QTRT2: variants seen among roughly 807,000 people sequenced by gnomAD.
QTRT2 encodes queuine tRNA-ribosyltransferase domain containing 1.
A neutral mutation model predicts 44.8 loss-of-function variants in QTRT2; 32 were observed. The observed-to-expected ratio is 0.71, with a 90% CI of 0.54 to 0.96. QTRT2 has a LOEUF of 0.96. Among genes scored for constraint, QTRT2 ranks in the 40% least tolerant of loss-of-function variants. The pLI, the probability that QTRT2 is intolerant of heterozygous loss-of-function variation, is 0.00. For missense variants in QTRT2, 461 were observed against 503.1 expected (o/e 0.92, Z 0.80); for synonymous variants, 182 against 187.4 (o/e 0.97, Z 0.24).
In QTRT2 at chr3:114,068,053, TAACA is replaced by T; in HGVS notation, c.329_332del (p.Asn110SerfsTer14). On this transcript the variant is annotated frameshift_variant, in exon 5 of 10. Coordinates refer to ENST00000281273, the MANE Select transcript of QTRT2 (RefSeq NM_024638.4). LOFTEE classifies it high-confidence loss of function. The stretch of plus-strand genomic sequence containing the variant: ...GTCAGCCCCTGCCCGGCTGGTTATG[TAACA>T]AACAAGGTGTGTTTTCAGAAGGGTC... The T allele has an allele frequency of 6.2e-7, 1 of 1,613,806 alleles. No individual in the cohort carries two copies.
At chr3:114,078,574 A>C (rs1163281913) in intron 7 of QTRT2, 1 of 152,246 alleles carries the variant, frequency 6.6e-6, no homozygotes. Context: ...TGGAGTGGCA[A>C]AACCTGGCCG....
chr3:114,059,859 C>T (rs1156540590), intron 2 of QTRT2, among the ~76,000 whole-genome samples: 1 of 152,204 alleles, frequency 6.6e-6, no homozygotes, highest in African/African-American at 2.4e-5. Flanking sequence ...GAGTATGTAG[C>T]ACCAAAATCG....
chr3:114,067,930 A>G (rs2076975126), intron 4 of QTRT2, 57 bp from the exon 5 acceptor site: 1 of 1,483,892 alleles, frequency 6.7e-7, no homozygotes, highest in Non-Finnish European at 9.4e-7. Context: ...CCCTGCTATA[A>G]TACAGTGTCA....
At chr3:114,060,367 G>A (rs569585664) in intron 2 of QTRT2, among the ~76,000 whole-genome samples, 1 of 152,236 alleles carries the variant, frequency 6.6e-6, no homozygotes, top group South Asian at 2.1e-4. Flanking sequence ...CAACCTTGGA[G>A]AATCTGAGAT....
At chr3:114,065,799 C>CACATATA (rs202045731) in intron 3 of QTRT2, among the ~76,000 whole-genome samples, 2,954 of 152,226 alleles carry the variant, frequency 0.019, 86 homozygotes, top group East Asian at 0.079. Context: ...GTTTTTTCTG[C>CACATATA]CTTTGCACAT....
At chr3:114,072,088 C>G (rs899447598) in intron 6 of QTRT2, among the ~76,000 whole-genome samples, 7 of 152,176 alleles carry the variant, frequency 4.6e-5, no homozygotes, top group African/African-American at 7.2e-5. Context: ...TTTCTTATCT[C>G]TAGCTATATT....
intron 2 of QTRT2, among the ~76,000 whole-genome samples, chr3:114,060,405 GTGGGGAATATGTTCCAAGACCC>G: frequency 1.3e-5 from 2 of 152,136 alleles, no homozygotes; most frequent in Non-Finnish European, 2.9e-5. Context: ...TCGCTTATCT[GTGGGGAATATGTTCCAAGACCC>G]CTTGTGGATG....
At position 114,079,957 on chromosome 3, in the gene QTRT2, A is replaced by G; in HGVS notation, c.798A>G (p.Arg266=). The change falls in exon 8 of 10, where the codon AGA becomes AGG. Residue 266 remains arginine, a synonymous_variant. Coordinates refer to ENST00000281273, the MANE Select transcript of QTRT2 (RefSeq NM_024638.4). ...RPDEVLECIE[R]GVDLFESFFP... The stretch of plus-strand genomic sequence containing the variant: ...ATGAGGTGCTCGAGTGTATTGAAAG[A>G]GGAGTGGACTTATTTGAGAGTTTTT... 1.2e-6 allele frequency: 2 copies of G among 1,613,942 alleles called. No homozygotes were observed. Among genetic ancestry groups the G allele is most frequent in the Admixed American group, 1.7e-5 (1 of 60,000 alleles).
chr3:114,081,730 G>A (rs1400630787), intron 8 of QTRT2, among the ~76,000 whole-genome samples: 1 of 152,086 alleles, frequency 6.6e-6, no homozygotes, highest in Non-Finnish European at 1.5e-5. Flanking sequence ...GAGCCACTGC[G>A]GCCAGCTGAG....
rs770967431 is a variant in QTRT2, at chr3:114,070,653, C to T, written c.361C>T (p.Arg121Ter). Residue 121 changes from arginine (R) to a stop codon, truncating the protein, a stop_gained, in exon 6 of 10, where the codon CGA becomes TGA. Coordinates refer to ENST00000281273, the MANE Select transcript of QTRT2 (RefSeq NM_024638.4). LOFTEE classifies it high-confidence loss of function. ...TGTGTCTGTGTGGAGTGTTGCAGGA[C>T]GAGTGGAAATGACTGTTTCCAAGTT... ...KSVSVWSVAG[R>*]VEMTVSKFMA... The T allele has an allele frequency of 1.8e-5, 29 of 1,613,902 alleles. No homozygotes were observed. The East Asian group carries it at 2.4e-4, about 14-fold the overall frequency.
rs1559946061 is a variant in QTRT2 at position 114,060,500 on chromosome 3, A to AGGTAGG, written c.-22+3394_-22+3395insGGTAGG. Reference sequence around the variant, plus strand: ...GGTAGGTAGGTAGGTAGGTAGGTAGATAGATAGATAGATAGATAGATAGAT... The same window carrying AGGTAGG: ...GGTAGGTAGGTAGGTAGGTAGGTAGAGGTAGGTAGATAGATAGATAGATAGATAGAT... On this transcript the variant is annotated intron_variant, in intron 2 of 9. Coordinates refer to ENST00000281273, the MANE Select transcript of QTRT2 (RefSeq NM_024638.4). Among the ~76,000 whole-genome samples the AGGTAGG allele has an allele frequency of 5.7e-3, 209 of 36,862 alleles. 1 individual carries two copies. The East Asian group carries it at 0.088, about 16-fold the overall frequency. The allele number at this position is 36,862 out of a possible 152,430, so 24.2% of individuals were successfully genotyped here.
intron 2 of QTRT2, among the ~76,000 whole-genome samples, chr3:114,059,917 T>G (rs992926882): frequency 6.6e-6 from 1 of 152,162 alleles, no homozygotes; most frequent in African/African-American, 2.4e-5. Flanking sequence ...GCTGGCTGAG[T>G]GGGTTCAGTA....
At chr3:114,065,812 A>T (rs933943524) in intron 3 of QTRT2, among the ~76,000 whole-genome samples, 5 of 152,206 alleles carry the variant, frequency 3.3e-5, no homozygotes, top group African/African-American at 1.2e-4. Context: ...TTGCACATAT[A>T]CTTGCTAATA....
At chr3:114,066,390 T>C in intron 4 of QTRT2, 107 bp downstream of exon 4, 1 of 671,976 alleles carries the variant, frequency 1.5e-6, no homozygotes, top group Non-Finnish European at 2.6e-6. Flanking sequence ...TTCATAAATT[T>C]AATAAGTATT....
In QTRT2 at chr3:114,085,926, A is replaced by G. The variant is rs1388621115; in HGVS notation, c.*22A>G. ...TTGAGATCTTGCAAATACAAGTCTC[A>G]CTCTTCACACTGAGCCTGTACCACT... is the stretch of plus-strand genomic sequence containing the variant. On this transcript the variant is annotated 3_prime_UTR_variant, in exon 10 of 10. Transcript: ENST00000281273. The G allele has an allele frequency of 1.2e-5, 19 of 1,526,946 alleles. No homozygotes were observed. Among genetic ancestry groups the G allele is most frequent in the Admixed American group, 1.7e-5 (1 of 59,886 alleles). The allele number at this position is 1,526,946 out of a possible 1,614,324, so 94.6% of individuals were successfully genotyped here.
At chr3:114,074,751 A>G (rs2077066981) in intron 6 of QTRT2, among the ~76,000 whole-genome samples, 1 of 152,232 alleles carries the variant, frequency 6.6e-6, no homozygotes, top group African/African-American at 2.4e-5. Flanking sequence ...TTGCAATTAC[A>G]TACACATAAT....
At chr3:114,085,622 G>A in intron 9 of QTRT2, 51 bp from the exon 10 acceptor site, 1 of 1,469,204 alleles carries the variant, frequency 6.8e-7, no homozygotes, top group South Asian at 1.1e-5. Context: ...TGAGGTTGTG[G>A]ATTTCTTGTA....
intron 6 of QTRT2, among the ~76,000 whole-genome samples, chr3:114,073,443 G>A (rs995426320): frequency 1.3e-4 from 20 of 152,108 alleles, no homozygotes; most frequent in Middle Eastern, 6.8e-3. Context: ...GCAGCGGTGC[G>A]ATCTCAGCTC....
Position 114,057,110 on chromosome 3 carries a change from G to C in QTRT2, c.-22+4G>C. 7.6e-7 allele frequency: 1 copy of C among 1,323,634 alleles called. No homozygotes were observed. The highest frequency in any genetic ancestry group is 9.6e-7 in the Non-Finnish European group (1 of 1,036,574). The allele number at this position is 1,323,634 out of a possible 1,614,324, so 82.0% of individuals were successfully genotyped here. Reference sequence around the variant, plus strand: ...TTCGACTAGCCTCTGCTGAAAGGTAGAGTTTTCAGGAAGTTTTTATTCCGA... The same window carrying C: ...TTCGACTAGCCTCTGCTGAAAGGTACAGTTTTCAGGAAGTTTTTATTCCGA... On this transcript the variant is annotated splice_donor_region_variant and intron_variant, in intron 2 of 9. Coordinates refer to ENST00000281273, the MANE Select transcript of QTRT2 (RefSeq NM_024638.4).
Sources: gnomAD v4.1 joint callset for allele counts (sites outside exome capture counted in the v4.1 genomes callset) on GRCh38, gnomAD v4.1.1 for gene constraint, MANE v1.5 for transcripts, NCBI Gene and HGNC (gene_info 2026-07-23, HGNC 2026-07-21) for gene names.